NXPH1: variants seen among roughly 807,000 people sequenced by gnomAD.
The protein encoded by NXPH1 is neurexophilin-1.
NXPH1 carries 5 observed loss-of-function variants against 23.7 expected under a neutral mutation model. The observed-to-expected ratio is 0.21, with a 90% CI of 0.11 to 0.44. The LOEUF is 0.44. Among genes scored for constraint, NXPH1 ranks in the 20% least tolerant of loss-of-function variants. The probability of loss-of-function intolerance (pLI) is 0.99; values close to 1 mark genes in which losing one functional copy is unlikely to be tolerated. For synonymous variants in NXPH1, 144 were observed against 122.2 expected (o/e 1.18, Z -1.18); for missense variants, 324 against 321.6 (o/e 1.01, Z -0.06).
intron 2 of NXPH1, among the ~76,000 whole-genome samples, chr7:8,743,795 C>T (rs1274030496): frequency 1.3e-5 from 2 of 151,734 alleles, no homozygotes; most frequent in Non-Finnish European, 2.9e-5. Flanking sequence ...GCTGTTCTCC[C>T]GCCTCAGCCT....
chr7:8,669,599 G>C lies in NXPH1; in HGVS notation c.55-81409G>C, dbSNP rs147107191. ...GGTGAACCTGGTGTTGGAGTACAAG[G>C]CAAAGTCTTGGCACCAACTCTGAGG... On this transcript the variant is annotated intron_variant, in intron 2 of 2. Coordinates refer to ENST00000405863, the MANE Select transcript of NXPH1 (RefSeq NM_152745.3). 4.2e-3 allele frequency among the ~76,000 whole-genome samples: 635 copies of C among 152,178 alleles called. 5 individuals are homozygous for C. Among genetic ancestry groups the C allele is most frequent in the African/African-American group, 0.015 (613 of 41,512 alleles).
In NXPH1 at chr7:8,435,747, C is replaced by G. The variant is rs1204743361; in HGVS notation, c.34C>G (p.Leu12Val). 6.2e-7 allele frequency: 1 copy of G among 1,613,960 alleles called. No individual in the cohort carries two copies. The highest frequency in any genetic ancestry group is 1.3e-5 in the African/African-American group (1 of 75,032). Residue 12 changes from leucine to valine, a missense_variant, in exon 2 of 3, where the codon CTG becomes GTG. By Grantham distance (32) the Leu-to-Val change is conservative (BLOSUM62 1). Coordinates refer to ENST00000405863, the MANE Select transcript of NXPH1 (RefSeq NM_152745.3). The surrounding 1 kb of genome is among the most constrained non-coding windows in gnomAD (Gnocchi z 5.9). Reference sequence around the variant, plus strand: ...TGCGTGCTGGTACGTGCTTTTCCTCCTGCAGCCCACCGTCTACTTGGTAAG... The same window carrying G: ...TGCGTGCTGGTACGTGCTTTTCCTCGTGCAGCCCACCGTCTACTTGGTAAG... ...QAACWYVLFL[L>V]QPTVYLVTCA...
Position 8,751,263 on chromosome 7 carries a change from G to T in NXPH1, c.310G>T (p.Ala104Ser), listed in dbSNP as rs1221440893. The change falls in exon 3 of 3, where the codon GCC becomes TCC. Residue 104 changes from alanine (A) to serine (S), a missense_variant. Ala to Ser is a moderately conservative substitution (Grantham distance 99). Coordinates refer to ENST00000405863, the MANE Select transcript of NXPH1 (RefSeq NM_152745.3). The surrounding 1 kb of genome is among the most constrained non-coding windows in gnomAD (Gnocchi z 4.5). The stretch of plus-strand genomic sequence containing the variant: ...AGACCTTCAAGAGCCTCGGCCCAGG[G>T]CCAAGAGAAGGCCCATTGTTAAAAC... ...STDLQEPRPR[A>S]KRRPIVKTGK... 1.2e-6 allele frequency: 2 copies of T among 1,613,948 alleles called. No homozygotes were observed. Among genetic ancestry groups the T allele is most frequent in the South Asian group, 1.1e-5 (1 of 91,086 alleles).
At chr7:8,493,698 A>G (rs1817289170) in intron 2 of NXPH1, among the ~76,000 whole-genome samples, 1 of 152,074 alleles carries the variant, frequency 6.6e-6, no homozygotes, top group Admixed American at 6.6e-5. Flanking sequence ...ATGTTCATGT[A>G]TCTGTGATCA....
chr7:8,629,188 C>T (rs558401546), intron 2 of NXPH1, among the ~76,000 whole-genome samples: 2 of 151,970 alleles, frequency 1.3e-5, no homozygotes, highest in South Asian at 4.2e-4. Flanking sequence ...TAATTTAAAC[C>T]AGGTATTTGT....
chr7:8,648,497 A>G (rs768080903), intron 2 of NXPH1, among the ~76,000 whole-genome samples: 22 of 152,194 alleles, frequency 1.4e-4, no homozygotes, highest in Non-Finnish European at 3.1e-4. Context: ...ACTGGATCTC[A>G]TTGTATTTTA....
intron 2 of NXPH1, among the ~76,000 whole-genome samples, chr7:8,558,876 G>A (rs948197904): frequency 6.6e-6 from 1 of 151,596 alleles, no homozygotes; most frequent in Non-Finnish European, 1.5e-5. Flanking sequence ...TAGTTTGTTT[G>A]TTTGTTTTGA....
intron 2 of NXPH1, among the ~76,000 whole-genome samples, chr7:8,688,642 T>A (rs1821183169): frequency 6.6e-6 from 1 of 152,162 alleles, no homozygotes; most frequent in African/African-American, 2.4e-5. Context: ...ATTAGACACA[T>A]GTATGTGTCT....
At chr7:8,649,951 G>A (rs538971310) in intron 2 of NXPH1, among the ~76,000 whole-genome samples, 19 of 152,200 alleles carry the variant, frequency 1.2e-4, no homozygotes, top group African/African-American at 4.3e-4. Flanking sequence ...TTAAATTAAG[G>A]AGGGACTGAA....
rs530063941 is a variant in NXPH1 at position 8,579,653 on chromosome 7, T to A, written c.54+143886T>A. Among the ~76,000 whole-genome samples, 32 of 152,332 alleles carry A rather than the reference T, an allele frequency of 2.1e-4. No individual in the cohort carries two copies. In the South Asian group the frequency reaches 6.0e-3, roughly 29 times the overall value. On this transcript the variant is annotated intron_variant, in intron 2 of 2. Coordinates refer to ENST00000405863, the MANE Select transcript of NXPH1 (RefSeq NM_152745.3). ...TCCCAAAGTGCTGGGATTATAGGCGTGAGCCACCACGCCTGGCCGGAATTC... is the reference window on the plus strand; with the variant it reads ...TCCCAAAGTGCTGGGATTATAGGCGAGAGCCACCACGCCTGGCCGGAATTC...
chr7:8,638,363 C>A (rs151281754), intron 2 of NXPH1, among the ~76,000 whole-genome samples: 1 of 152,188 alleles, frequency 6.6e-6, no homozygotes, highest in Non-Finnish European at 1.5e-5. Context: ...TGCGGGCCAA[C>A]AACCACTGGG....
intron 2 of NXPH1, among the ~76,000 whole-genome samples, chr7:8,574,988 C>T (rs1330579490): frequency 6.6e-6 from 1 of 152,154 alleles, no homozygotes; most frequent in African/African-American, 2.4e-5. Context: ...TGAGGTACTC[C>T]TTCGACATTA....
At chr7:8,448,507 G>T (rs1238513569) in intron 2 of NXPH1, among the ~76,000 whole-genome samples, 2 of 152,116 alleles carry the variant, frequency 1.3e-5, no homozygotes, top group Non-Finnish European at 2.9e-5. Context: ...TTACCTTTAC[G>T]ATTACAGCCA....
chr7:8,547,889 T>C (rs1818220770), intron 2 of NXPH1, among the ~76,000 whole-genome samples: 1 of 151,548 alleles, frequency 6.6e-6, no homozygotes, highest in Non-Finnish European at 1.5e-5. Context: ...CAGTAAACTG[T>C]TGATGAAAAC....
intron 2 of NXPH1, among the ~76,000 whole-genome samples, chr7:8,571,041 CTAA>C: frequency 6.7e-6 from 1 of 149,618 alleles, no homozygotes; most frequent in South Asian, 2.1e-4. Context: ...CTAATCTAAT[CTAA>C]TCTAATCTAA....
chr7:8,447,395 C>G (rs1294065681), intron 2 of NXPH1, among the ~76,000 whole-genome samples: 1 of 152,184 alleles, frequency 6.6e-6, no homozygotes, highest in Non-Finnish European at 1.5e-5. Flanking sequence ...TTTCTCTGGT[C>G]TTGATGTGGA....
At chr7:8,538,013 G>A (rs73050617) in intron 2 of NXPH1, among the ~76,000 whole-genome samples, 49,732 of 151,648 alleles carry the variant, frequency 0.33, 8,315 homozygotes, top group South Asian at 0.35. Context: ...AGTAACAATA[G>A]CAATAGTTAC....
At chr7:8,504,131 G>A (rs370128110) in intron 2 of NXPH1, among the ~76,000 whole-genome samples, 1 of 151,952 alleles carries the variant, frequency 6.6e-6, no homozygotes, top group African/African-American at 2.4e-5. Flanking sequence ...ACCCATCTTA[G>A]ATGTCCCTCT....
intron 2 of NXPH1, among the ~76,000 whole-genome samples, chr7:8,648,164 A>G (rs1473086980): frequency 6.6e-6 from 1 of 152,202 alleles, no homozygotes; most frequent in Admixed American, 6.5e-5. Context: ...GTTACAAACA[A>G]TCCAAATTAT....
Sources: gnomAD v4.1 joint callset for allele counts (sites outside exome capture counted in the v4.1 genomes callset) on GRCh38, gnomAD v4.1.1 for gene constraint, Gnocchi (gnomAD v3.1) non-coding constraint, MANE v1.5 for transcripts, NCBI Gene and HGNC (gene_info 2026-07-23, HGNC 2026-07-21) for gene names.